The following DCC variants were observed in gnomAD, a reference collection of about 807,000 sequenced individuals.
DCC encodes the protein netrin receptor DCC.
Under a neutral mutation model 172.5 loss-of-function variants are expected in DCC, and 58 were observed. The observed-to-expected ratio is 0.34, with a 90% CI of 0.27 to 0.42. The LOEUF (loss-of-function observed/expected upper bound fraction) is 0.42, where lower values mean the gene tolerates loss of function less well. Ranked by LOEUF, DCC falls within the 10% of genes least tolerant of loss-of-function variation. The pLI is 1.00. For missense variants in DCC, 1,740 were observed against 1,791.0 expected (o/e 0.97, Z 0.51); for synonymous variants, 709 against 644.5 (o/e 1.10, Z -1.52).
chr18:52,638,239 C>T (rs1283761022), intron 1 of DCC, among the ~76,000 whole-genome samples: 14 of 151,674 alleles, frequency 9.2e-5, no homozygotes, highest in East Asian at 5.8e-4. Flanking sequence ...CACACAGGAC[C>T]TATAAAACAA....
At position 53,282,637 on chromosome 18, in the gene DCC, G is replaced by C. The variant is rs138616226; in HGVS notation, c.1912-22941G>C. On this transcript the variant is annotated intron_variant, in intron 12 of 28. Coordinates refer to ENST00000442544, the MANE Select transcript of DCC (RefSeq NM_005215.4). The stretch of plus-strand genomic sequence containing the variant: ...ACCTTAGGATTTTGTCATTTCTGTA[G>C]GCTAATGTCTCTCCATACCCTTCCT... Among the ~76,000 whole-genome samples the C allele has an allele frequency of 4.7e-3, 714 of 152,190 alleles. 1 individual carries two copies. The highest frequency in any genetic ancestry group is 7.6e-3 in the Non-Finnish European group (515 of 68,006).
chr18:53,428,372 ATT>A, intron 21 of DCC, among the ~76,000 whole-genome samples: 11 of 88,356 alleles, frequency 1.2e-4, no homozygotes, highest in South Asian at 1.2e-3. Context: ...ATAATATAAT[ATT>A]ATAATATATT....
At chr18:53,511,590 T>C (rs960225068) in intron 27 of DCC, among the ~76,000 whole-genome samples, 6 of 152,226 alleles carry the variant, frequency 3.9e-5, no homozygotes, top group African/African-American at 7.2e-5. Context: ...TGGGCGCAGG[T>C]CAGTGGGTGC....
chr18:52,640,664 G>A (rs1250767656), intron 1 of DCC, among the ~76,000 whole-genome samples: 1 of 151,758 alleles, frequency 6.6e-6, no homozygotes, highest in East Asian at 1.9e-4. Context: ...CCAAGGAGTT[G>A]AAAGACCTCT....
intron 2 of DCC, among the ~76,000 whole-genome samples, chr18:52,900,415 A>T (rs1386025698): frequency 2.0e-5 from 3 of 152,182 alleles, no homozygotes; most frequent in Admixed American, 6.5e-5. Flanking sequence ...GGTGAGACCC[A>T]TTTCTCTATG....
At chr18:52,403,186 T>C (rs1445445292) in intron 1 of DCC, among the ~76,000 whole-genome samples, 1 of 152,070 alleles carries the variant, frequency 6.6e-6, no homozygotes, top group Non-Finnish European at 1.5e-5. Context: ...TCTAGTAATT[T>C]TTAAGAAACA....
At chr18:52,615,071 A>C (rs2034354247) in intron 1 of DCC, among the ~76,000 whole-genome samples, 1 of 152,164 alleles carries the variant, frequency 6.6e-6, no homozygotes, top group Admixed American at 6.5e-5. Context: ...ATCTCTCTTA[A>C]AAGTCGATAG....
intron 11 of DCC, among the ~76,000 whole-genome samples, chr18:53,214,673 T>C (rs1456956185): frequency 6.6e-6 from 1 of 152,178 alleles, no homozygotes; most frequent in Non-Finnish European, 1.5e-5. Flanking sequence ...TAACAATTTA[T>C]TGAATGCTAC....
chr18:53,305,792 C>A, intron 13 of DCC, 73 bp downstream of exon 13: 1 of 1,480,400 alleles, frequency 6.8e-7, no homozygotes, highest in Non-Finnish European at 9.5e-7. Context: ...TATAGTCTCA[C>A]TCCAAAGGAA....
At chr18:52,460,269 C>A (rs1988591064) in intron 1 of DCC, among the ~76,000 whole-genome samples, 1 of 152,104 alleles carries the variant, frequency 6.6e-6, no homozygotes, top group Admixed American at 6.5e-5. Context: ...TTTCTCTGCA[C>A]CAAAACTATT....
intron 27 of DCC, among the ~76,000 whole-genome samples, chr18:53,525,473 A>ATGTT (rs1760223134): frequency 6.6e-6 from 1 of 152,118 alleles, no homozygotes; most frequent in South Asian, 2.1e-4. Flanking sequence ...AAGAAATTTC[A>ATGTT]TGTTAGGTCA....
intron 12 of DCC, among the ~76,000 whole-genome samples, chr18:53,282,663 A>G (rs1400089917): frequency 6.6e-6 from 1 of 152,034 alleles, no homozygotes; most frequent in Non-Finnish European, 1.5e-5. Context: ...TACCCTTCCT[A>G]TTATCTCTCA....
chr18:53,452,895 GTTT>G lies in DCC; in HGVS notation c.3392+2234_3392+2236del, dbSNP rs2045433707. 1.0e-4 allele frequency among the ~76,000 whole-genome samples: 11 copies of G among 109,222 alleles called. 1 individual carries two copies. The South Asian group carries it at 2.7e-3, about 27-fold the overall frequency. The allele number at this position is 109,222 out of a possible 152,430, so 71.7% of individuals were successfully genotyped here. On this transcript the variant is annotated intron_variant, in intron 23 of 28. Transcript: ENST00000442544. Reference sequence around the variant, plus strand: ...TCTGAACTATAGTTTAGTGGGGTTTGTTTGTTTGTTTGTTTGTTTGTTTGTTTG... The same window carrying G: ...TCTGAACTATAGTTTAGTGGGGTTTGGTTTGTTTGTTTGTTTGTTTGTTTG...
chr18:53,428,810 T>G (rs1158082241), intron 21 of DCC, among the ~76,000 whole-genome samples: 1 of 31,588 alleles, frequency 3.2e-5, no homozygotes, highest in African/African-American at 9.5e-5. Flanking sequence ...TTATATATTT[T>G]ATATATAATA....
intron 27 of DCC, among the ~76,000 whole-genome samples, chr18:53,500,060 A>AGATT (rs1320159456): frequency 2.0e-5 from 3 of 152,234 alleles, no homozygotes; most frequent in Non-Finnish European, 2.9e-5. Context: ...ACTAACATTT[A>AGATT]GATTGATAGA....
intron 5 of DCC, among the ~76,000 whole-genome samples, chr18:52,948,173 A>G (rs2040578777): frequency 6.6e-6 from 1 of 152,246 alleles, no homozygotes; most frequent in South Asian, 2.1e-4. Flanking sequence ...GTTCCATGTG[A>G]TATCATGGGT....
intron 13 of DCC, among the ~76,000 whole-genome samples, chr18:53,321,056 G>A: frequency 6.6e-6 from 1 of 152,096 alleles, no homozygotes; most frequent in Non-Finnish European, 1.5e-5. Flanking sequence ...TTAGTAGTAA[G>A]TTTGAATTCC....
rs373987524 is a variant in DCC at position 52,643,114 on chromosome 18, T to C, written c.92-108940T>C. ...CTTTAATGCCAAGAGAAAAGAAGAA[T>C]GTTCTATAGTTAAAAAGCTTCAAAA... On this transcript the variant is annotated intron_variant, in intron 1 of 28. Transcript: ENST00000442544. 2.6e-5 allele frequency among the ~76,000 whole-genome samples: 4 copies of C among 152,310 alleles called. No homozygotes were observed. In the East Asian group the frequency reaches 5.8e-4, roughly 22 times the overall value.
intron 12 of DCC, among the ~76,000 whole-genome samples, chr18:53,259,632 C>T (rs2056569171): frequency 1.3e-5 from 2 of 152,144 alleles, no homozygotes; most frequent in Non-Finnish European, 2.9e-5. Context: ...TTCTCTGTGG[C>T]TGCCCTTAAC....
Sources: allele counts gnomAD v4.1 joint callset (sites outside exome capture counted in the v4.1 genomes callset), GRCh38; gene constraint gnomAD v4.1.1; transcripts MANE v1.5; gene names NCBI Gene and HGNC (gene_info 2026-07-23, HGNC 2026-07-21).